The following SGCZ variants were observed in gnomAD, a reference collection of about 807,000 sequenced individuals.
SGCZ encodes sarcoglycan zeta.
Under a neutral mutation model 41.3 loss-of-function variants are expected in SGCZ, and 40 were observed. The ratio of observed to expected loss-of-function variants is 0.97; its 90% CI spans 0.75 to 1.26. SGCZ has a LOEUF of 1.26. SGCZ is among the 50% of genes most tolerant of loss of function. The probability of loss-of-function intolerance (pLI) is 0.00; values close to 1 mark genes in which losing one functional copy is unlikely to be tolerated. For missense variants in SGCZ, 552 were observed against 369.8 expected (o/e 1.49, Z -4.04); for synonymous variants, 206 against 137.5 (o/e 1.50, Z -3.49).
At chr8:15,158,407 T>C (rs535780467) in intron 1 of SGCZ, among the ~76,000 whole-genome samples, 1 of 152,192 alleles carries the variant, frequency 6.6e-6, no homozygotes, top group South Asian at 2.1e-4. Flanking sequence ...TATGTGCATA[T>C]AGCAATAAAT....
intron 5 of SGCZ, among the ~76,000 whole-genome samples, chr8:14,147,188 G>C (rs985233431): frequency 5.3e-5 from 8 of 152,060 alleles, no homozygotes; most frequent in Middle Eastern, 3.4e-3. Context: ...AAGGAAGACA[G>C]GAAGAAAAGT....
At chr8:15,115,629 G>A (rs1273138473) in intron 1 of SGCZ, among the ~76,000 whole-genome samples, 8 of 152,164 alleles carry the variant, frequency 5.3e-5, no homozygotes. Context: ...ACATGCAACG[G>A]TTATCACTAG....
At chr8:14,789,783 T>G (rs1404054319) in intron 1 of SGCZ, among the ~76,000 whole-genome samples, 1 of 152,168 alleles carries the variant, frequency 6.6e-6, no homozygotes, top group Non-Finnish European at 1.5e-5. Flanking sequence ...GTCCAACTAT[T>G]TTTGTACTCT....
At chr8:14,983,651 C>G (rs1801742417) in intron 1 of SGCZ, among the ~76,000 whole-genome samples, 1 of 152,058 alleles carries the variant, frequency 6.6e-6, no homozygotes, top group Non-Finnish European at 1.5e-5. Context: ...AGCCTTGTCA[C>G]TAATTGTTAA....
At chr8:15,129,386 T>C (rs767837323) in intron 1 of SGCZ, among the ~76,000 whole-genome samples, 9 of 152,126 alleles carry the variant, frequency 5.9e-5, no homozygotes, top group Non-Finnish European at 1.3e-4. Context: ...CTTCCTATCC[T>C]CAAACTCATT....
intron 1 of SGCZ, among the ~76,000 whole-genome samples, chr8:15,033,114 C>T (rs1803741398): frequency 6.6e-6 from 1 of 152,022 alleles, no homozygotes; most frequent in Admixed American, 6.5e-5. Context: ...CAGGTCCAGG[C>T]CTGCTTTAAG....
chr8:14,144,734 C>A (rs1222293935), intron 5 of SGCZ, among the ~76,000 whole-genome samples: 1 of 152,110 alleles, frequency 6.6e-6, no homozygotes, highest in East Asian at 1.9e-4. Context: ...CTGCTGTGGG[C>A]CAGAGGGGAG....
chr8:14,684,596 G>A (rs966746898), intron 1 of SGCZ, among the ~76,000 whole-genome samples: 4 of 151,954 alleles, frequency 2.6e-5, no homozygotes, highest in African/African-American at 7.3e-5. Context: ...AAACACACAA[G>A]CAAATAAGTG....
intron 1 of SGCZ, among the ~76,000 whole-genome samples, chr8:14,598,011 A>G (rs770488618): frequency 2.6e-5 from 4 of 152,176 alleles, no homozygotes; most frequent in African/African-American, 7.2e-5. Context: ...TCTTTGAACC[A>G]CTGATGTTTT....
At chr8:14,310,904 A>C (rs764228560) in intron 3 of SGCZ, among the ~76,000 whole-genome samples, 2 of 152,062 alleles carry the variant, frequency 1.3e-5, no homozygotes, top group African/African-American at 2.4e-5. Flanking sequence ...GGTGCCCTTG[A>C]AACTTGAGAA....
rs572048643 is a variant in SGCZ, at chr8:15,167,460, T to A, written c.39+70125A>T. Among the ~76,000 whole-genome samples, 7 of 152,280 alleles carry A rather than the reference T, an allele frequency of 4.6e-5. No individual in the cohort carries two copies. The South Asian group carries it at 1.4e-3, about 32-fold the overall frequency. On this transcript the variant is annotated intron_variant, in intron 1 of 7. Transcript: ENST00000382080. ...CATCTTGGGACTTAAGAGGAGAGAA[T>A]TACCCAACTCAGGTGTTTGAGGATG...
intron 4 of SGCZ, among the ~76,000 whole-genome samples, chr8:14,212,057 G>C (rs1005789151): frequency 3.9e-5 from 6 of 152,068 alleles, no homozygotes; most frequent in Non-Finnish European, 8.8e-5. Context: ...GTATGATTTT[G>C]AGTTCTCTCT....
At chr8:14,449,306 T>C (rs2117395575) in intron 2 of SGCZ, among the ~76,000 whole-genome samples, 1 of 152,348 alleles carries the variant, frequency 6.6e-6, no homozygotes, top group Middle Eastern at 3.4e-3. Flanking sequence ...TCCACTCCAG[T>C]ACTATTTACT....
At chr8:14,101,376 G>A (rs6530723) in intron 7 of SGCZ, among the ~76,000 whole-genome samples, 103,402 of 148,262 alleles carry the variant, frequency 0.7, 36,688 homozygotes, top group East Asian at 0.95. Context: ...AAAAGACCAT[G>A]GAAAATTGGG....
chr8:15,128,730 C>A (rs1306480907), intron 1 of SGCZ, among the ~76,000 whole-genome samples: 1 of 152,202 alleles, frequency 6.6e-6, no homozygotes, highest in Admixed American at 6.5e-5. Context: ...AGATGCACTC[C>A]TTTACCTATG....
At chr8:14,936,758 G>A (rs1483172104) in intron 1 of SGCZ, among the ~76,000 whole-genome samples, 1 of 151,798 alleles carries the variant, frequency 6.6e-6, no homozygotes, top group African/African-American at 2.4e-5. Context: ...TACAAACAAT[G>A]TCAGTGTTTG....
intron 1 of SGCZ, among the ~76,000 whole-genome samples, chr8:14,723,672 A>G (rs1280841826): frequency 6.6e-6 from 1 of 151,598 alleles, no homozygotes. Context: ...ATATTTATCT[A>G]TATATATATA....
chr8:15,169,446 G>C (rs1022676117), intron 1 of SGCZ, among the ~76,000 whole-genome samples: 1 of 152,116 alleles, frequency 6.6e-6, no homozygotes, highest in Admixed American at 6.5e-5. Context: ...GAGAGTCACT[G>C]TTTTCCCCTT....
chr8:15,037,547 C>T (rs1022401988), intron 1 of SGCZ, among the ~76,000 whole-genome samples: 2 of 152,104 alleles, frequency 1.3e-5, no homozygotes, highest in Non-Finnish European at 2.9e-5. Flanking sequence ...GAAAGTTTTC[C>T]TCTGAGATCA....
Sources: gnomAD v4.1 joint callset for allele counts (sites outside exome capture counted in the v4.1 genomes callset) on GRCh38, gnomAD v4.1.1 for gene constraint, MANE v1.5 for transcripts, NCBI Gene and HGNC (gene_info 2026-07-23, HGNC 2026-07-21) for gene names.